MAP3K4: variants seen among roughly 807,000 people sequenced by gnomAD.
MAP3K4 encodes MAP three kinase 1.
In MAP3K4, 67 loss-of-function variants were observed where a neutral mutation model predicts 185.6. The ratio of observed to expected loss-of-function variants is 0.36; its 90% CI spans 0.30 to 0.44. The LOEUF (loss-of-function observed/expected upper bound fraction) is 0.44. Among genes scored for constraint, MAP3K4 ranks in the 20% least tolerant of loss-of-function variants. MAP3K4 has a pLI of 1.00. For missense variants in MAP3K4, 1,551 were observed against 1,995.1 expected (o/e 0.78, Z 4.24); for synonymous variants, 702 against 710.4 (o/e 0.99, Z 0.19).
rs1315508289 is a variant in MAP3K4 at position 161,082,981 on chromosome 6, A to G, written c.2256-1520A>G. ...CTAACAATGGCCCGCAAGGCCTGAC[A>G]TGGTCCTATTTCTCATTACGTCTTT... On this transcript the variant is annotated intron_variant, in intron 6 of 26. Transcript: ENST00000392142. This position sits in a 1 kb window ranked among gnomAD's most constrained non-coding sequence, Gnocchi z 4.2. 1.3e-5 allele frequency among the ~76,000 whole-genome samples: 2 copies of G among 152,110 alleles called. No homozygotes were observed. Among genetic ancestry groups the G allele is most frequent in the Non-Finnish European group, 2.9e-5 (2 of 68,012 alleles).
intron 1 of MAP3K4, among the ~76,000 whole-genome samples, chr6:161,031,684 A>G (rs189022818): frequency 6.6e-6 from 1 of 152,302 alleles, no homozygotes; most frequent in Admixed American, 6.5e-5. Context: ...AGCAAAACAG[A>G]CCATTTTATA....
At chr6:160,997,920 G>A (rs1781081823) in intron 1 of MAP3K4, among the ~76,000 whole-genome samples, 1 of 152,186 alleles carries the variant, frequency 6.6e-6, no homozygotes, top group South Asian at 2.1e-4. Context: ...CATGAGCCTA[G>A]AGCTAGCTTC....
chr6:161,010,589 T>C (rs1301259437), intron 1 of MAP3K4, among the ~76,000 whole-genome samples: 1 of 152,234 alleles, frequency 6.6e-6, no homozygotes, highest in Non-Finnish European at 1.5e-5. Context: ...GCCTACTCTT[T>C]ATTTTTGTTT....
In MAP3K4 at chr6:160,991,865, G is replaced by C. The variant is rs1283814473; in HGVS notation, c.-67G>C. On this transcript the variant is annotated 5_prime_UTR_variant, in exon 1 of 27. Coordinates refer to ENST00000392142, the MANE Select transcript of MAP3K4 (RefSeq NM_005922.4). The surrounding 1 kb of genome is among the most constrained non-coding windows in gnomAD (Gnocchi z 5.7). ...GAGTCGAGTCACTCCCGCACTTCGG[G>C]GCTCCGGTGCCCCGCGCCAGGCTGC... 1.4e-6 allele frequency: 2 copies of C among 1,423,310 alleles called. No individual in the cohort carries two copies. The highest frequency in any genetic ancestry group is 3.0e-5 in the East Asian group (1 of 33,786). 88.2% of individuals were successfully genotyped at this position (1,423,310 alleles called of 1,614,324 possible).
intron 1 of MAP3K4, among the ~76,000 whole-genome samples, chr6:161,023,181 C>G (rs953386818): frequency 6.6e-6 from 1 of 152,170 alleles, no homozygotes; most frequent in Admixed American, 6.5e-5. Context: ...CTTGTACCAC[C>G]TATCCTATTA....
intron 1 of MAP3K4, among the ~76,000 whole-genome samples, chr6:161,001,027 ATTATATATTATAATATACACAT>A (rs1562472267): frequency 7.6e-5 from 1 of 13,216 alleles, no homozygotes; most frequent in African/African-American, 4.9e-4. Context: ...TATAATATAT[ATTATATATTATAATATACACAT>A]ATGTATATAA....
rs1174700811 is a variant in MAP3K4 at position 161,033,307 on chromosome 6, A to C, written c.153-952A>C. Among the ~76,000 whole-genome samples the C allele has an allele frequency of 2.0e-5, 3 of 152,172 alleles. No individual in the cohort carries two copies. In the South Asian group the frequency reaches 6.2e-4, roughly 31 times the overall value. On this transcript the variant is annotated intron_variant, in intron 1 of 26. Transcript: ENST00000392142. ...GTACATATTTGGAAAGAATTTCATGATTGATTCCTTCTGTTTCACTTTTTA... is the reference window on the plus strand; with the variant it reads ...GTACATATTTGGAAAGAATTTCATGCTTGATTCCTTCTGTTTCACTTTTTA...
chr6:161,102,977 A>G (rs1777903320), intron 19 of MAP3K4, among the ~76,000 whole-genome samples, 198 bp downstream of exon 19: 1 of 152,160 alleles, frequency 6.6e-6, no homozygotes, highest in Non-Finnish European at 1.5e-5. Flanking sequence ...TCTAGTAACA[A>G]ACTACATGCT....
In MAP3K4 at chr6:161,007,361, C is replaced by G. The variant is rs1364473994; in HGVS notation, c.152+15278C>G. The stretch of plus-strand genomic sequence containing the variant: ...GGGAGAAACTTAGGGTTTTATAAAA[C>G]GTGGGAATTACTGAGGAAGATAGAG... On this transcript the variant is annotated intron_variant, in intron 1 of 26. Coordinates refer to ENST00000392142, the MANE Select transcript of MAP3K4 (RefSeq NM_005922.4). This position sits in a 1 kb window ranked among gnomAD's most constrained non-coding sequence, Gnocchi z 4.5. 6.6e-6 allele frequency among the ~76,000 whole-genome samples: 1 copy of G among 152,080 alleles called. No individual in the cohort carries two copies. Among genetic ancestry groups the G allele is most frequent in the Non-Finnish European group, 1.5e-5 (1 of 68,018 alleles).
At chr6:161,042,830 C>T (rs6917235) in intron 2 of MAP3K4, among the ~76,000 whole-genome samples, 3,560 of 152,220 alleles carry the variant, frequency 0.023, 152 homozygotes, top group African/African-American at 0.081. Flanking sequence ...TATTCTAGCA[C>T]TGCCATAGCG....
rs922489157 is a variant in MAP3K4, at chr6:161,077,819, C to T, written c.2098-3062C>T. Among the ~76,000 whole-genome samples, 6 of 151,880 alleles carry T rather than the reference C, an allele frequency of 4.0e-5. No individual in the cohort carries two copies. Among genetic ancestry groups the T allele is most frequent in the African/African-American group, 1.5e-4 (6 of 41,326 alleles). On this transcript the variant is annotated intron_variant, in intron 5 of 26. Coordinates refer to ENST00000392142, the MANE Select transcript of MAP3K4 (RefSeq NM_005922.4). This position sits in a 1 kb window ranked among gnomAD's most constrained non-coding sequence, Gnocchi z 4.3. ...GAGGAGTTTTAAATTGGGCTGAGGGCATTTGAAAGCCCTCAGGCTTGACTT... is the reference window on the plus strand; with the variant it reads ...GAGGAGTTTTAAATTGGGCTGAGGGTATTTGAAAGCCCTCAGGCTTGACTT...
Position 161,093,926 on chromosome 6 carries a change from G to T in MAP3K4, c.3427+75G>T, listed in dbSNP as rs548961315. On this transcript the variant is annotated intron_variant, in intron 15 of 26. Transcript: ENST00000392142. This position sits in a 1 kb window ranked among gnomAD's most constrained non-coding sequence, Gnocchi z 5.2. ...GACAGATCCTCTTGTAATTGCAGTC[G>T]TTTAAAATGGTATAAGAGGTGTTTT... 1.8e-6 allele frequency: 2 copies of T among 1,085,234 alleles called. No homozygotes were observed. Among genetic ancestry groups the T allele is most frequent in the South Asian group, 1.3e-5 (1 of 75,792 alleles). The allele number at this position is 1,085,234 out of a possible 1,614,324, so 67.2% of individuals were successfully genotyped here.
Position 160,991,794 on chromosome 6 carries a change from T to G in MAP3K4, c.-138T>G. 1 of 1,004,240 alleles carries G rather than the reference T, an allele frequency of 1.0e-6. No homozygotes were observed. The highest frequency in any genetic ancestry group is 2.4e-5 in the South Asian group (1 of 42,262). 62.2% of individuals were successfully genotyped at this position (1,004,240 alleles called of 1,614,324 possible). ...GCTCGGCCGGTCGCCGTTTCCAAGATGGCCGCGGCGCGCACGGCTCCTGCG... is the reference window on the plus strand; with the variant it reads ...GCTCGGCCGGTCGCCGTTTCCAAGAGGGCCGCGGCGCGCACGGCTCCTGCG... On this transcript the variant is annotated 5_prime_UTR_variant, in exon 1 of 27. It removes an upstream start codon present in the reference 5' UTR. Coordinates refer to ENST00000392142, the MANE Select transcript of MAP3K4 (RefSeq NM_005922.4). The surrounding 1 kb of genome is among the most constrained non-coding windows in gnomAD (Gnocchi z 5.7).
chr6:161,047,243 C>G (rs1783773185), intron 2 of MAP3K4, among the ~76,000 whole-genome samples: 1 of 146,690 alleles, frequency 6.8e-6, no homozygotes, highest in African/African-American at 2.5e-5. Flanking sequence ...GAATTTGGGA[C>G]CAGCTTAGGA....
chr6:161,088,402 A>G lies in MAP3K4; in HGVS notation c.2823+448A>G, dbSNP rs924099598. Among the ~76,000 whole-genome samples, 2 of 152,192 alleles carry G rather than the reference A, an allele frequency of 1.3e-5. No individual in the cohort carries two copies. Among genetic ancestry groups the G allele is most frequent in the African/African-American group, 2.4e-5 (1 of 41,436 alleles). ...TTCTATAACTCATTAGTTATAAACT[A>G]TGAGAAGCTTTCTCATTTATCTGTG... On this transcript the variant is annotated intron_variant, in intron 10 of 26. Transcript: ENST00000392142. This position sits in a 1 kb window ranked among gnomAD's most constrained non-coding sequence, Gnocchi z 4.5.
intron 1 of MAP3K4, among the ~76,000 whole-genome samples, chr6:160,994,460 A>G (rs1032794543): frequency 6.6e-6 from 1 of 152,062 alleles, no homozygotes; most frequent in Non-Finnish European, 1.5e-5. Flanking sequence ...TGCAGTTGCC[A>G]TTATTTCGTT....
chr6:161,020,494 C>T (rs1250179122), intron 1 of MAP3K4, among the ~76,000 whole-genome samples: 1 of 151,986 alleles, frequency 6.6e-6, no homozygotes, highest in African/African-American at 2.4e-5. Flanking sequence ...TCCGTTTCTA[C>T]TAAAAATACA....
rs763846803 is a variant in MAP3K4 at position 161,073,639 on chromosome 6, C to T, written c.2097+27C>T. 6.3e-7 allele frequency: 1 copy of T among 1,586,166 alleles called. No homozygotes were observed. The highest frequency in any genetic ancestry group is 8.6e-7 in the Non-Finnish European group (1 of 1,167,690). ...TCAGAAGCAGTGGGGAGGAATTTTT[C>T]TTTCTTTCTTTGTTTCTTTTTTTAA... is the stretch of plus-strand genomic sequence containing the variant. On this transcript the variant is annotated intron_variant, in intron 5 of 26. Coordinates refer to ENST00000392142, the MANE Select transcript of MAP3K4 (RefSeq NM_005922.4). The surrounding 1 kb of genome is among the most constrained non-coding windows in gnomAD (Gnocchi z 4.2).
Position 161,043,427 on chromosome 6 carries a change from C to T in MAP3K4, c.344-5189C>T, listed in dbSNP as rs776872548. On this transcript the variant is annotated intron_variant, in intron 2 of 26. Coordinates refer to ENST00000392142, the MANE Select transcript of MAP3K4 (RefSeq NM_005922.4). The surrounding 1 kb of genome is among the most constrained non-coding windows in gnomAD (Gnocchi z 4.3). ...AGCCTGTGTAATCTTTTGTGGTACT[C>T]GCTGTCTTAGCCTTTCCTTGGTCAG... Among the ~76,000 whole-genome samples the T allele has an allele frequency of 1.9e-4, 29 of 152,158 alleles. No homozygotes were observed. The highest frequency in any genetic ancestry group is 2.1e-4 in the Non-Finnish European group (14 of 68,020).
Sources: gnomAD v4.1 joint callset for allele counts (sites outside exome capture counted in the v4.1 genomes callset) on GRCh38, gnomAD v4.1.1 for gene constraint, Gnocchi (gnomAD v3.1) non-coding constraint, MANE v1.5 for transcripts, NCBI Gene and HGNC (gene_info 2026-07-23, HGNC 2026-07-21) for gene names.